DPP6: variants seen among roughly 807,000 people sequenced by gnomAD.
DPP6 encodes the protein A-type potassium channel modulatory protein DPP6.
In DPP6, 69 loss-of-function variants were observed where a neutral mutation model predicts 122.6. The ratio of observed to expected loss-of-function variants is 0.56; its 90% CI spans 0.46 to 0.69. The LOEUF is 0.69. Among genes scored for constraint, DPP6 ranks in the 30% least tolerant of loss-of-function variants. The probability of loss-of-function intolerance (pLI) is 0.00; values close to 1 mark genes in which losing one functional copy is unlikely to be tolerated. For synonymous variants in DPP6, 418 were observed against 433.1 expected (o/e 0.97, Z 0.43); for missense variants, 928 against 1,116.9 (o/e 0.83, Z 2.41).
At chr7:154,093,149 A>G (rs1480231061) in intron 1 of DPP6, among the ~76,000 whole-genome samples, 2 of 139,392 alleles carry the variant, frequency 1.4e-5, no homozygotes, top group African/African-American at 5.2e-5. Context: ...ATATGACATC[A>G]TACATCATAC....
chr7:154,252,096 C>T (rs1038300708), intron 1 of DPP6, among the ~76,000 whole-genome samples: 1 of 152,210 alleles, frequency 6.6e-6, no homozygotes, highest in East Asian at 1.9e-4. Context: ...TAGAGAGACT[C>T]ATTCTTGCAT....
the DPP6 span, among the ~76,000 whole-genome samples, chr7:153,799,259 C>A: frequency 6.6e-6 from 1 of 152,190 alleles, no homozygotes; most frequent in Admixed American, 6.5e-5. Flanking sequence ...TCCATGGTAT[C>A]TTTCAGACTC....
the DPP6 span, among the ~76,000 whole-genome samples, chr7:153,820,340 A>G: frequency 6.6e-6 from 1 of 152,264 alleles, no homozygotes. Flanking sequence ...TAGCAAATAA[A>G]CCCTGTAATC....
At chr7:154,799,100 T>C (rs1398316895) in intron 12 of DPP6, among the ~76,000 whole-genome samples, 2 of 152,130 alleles carry the variant, frequency 1.3e-5, no homozygotes, top group African/African-American at 4.8e-5. Context: ...CCTGCAGACC[T>C]CAGGGAGACC....
At chr7:154,807,568 C>A (rs1397978237) in intron 16 of DPP6, among the ~76,000 whole-genome samples, 1 of 152,170 alleles carries the variant, frequency 6.6e-6, no homozygotes, top group Non-Finnish European at 1.5e-5. Context: ...CGCTTGTAAT[C>A]CCAGCGCTTT....
rs1563336786 is a variant in DPP6 at position 154,892,766 on chromosome 7, G to A, written c.*286G>A. On this transcript the variant is annotated 3_prime_UTR_variant, in exon 26 of 26. Coordinates refer to ENST00000377770, the MANE Select transcript of DPP6 (RefSeq NM_130797.4). Reference sequence around the variant, plus strand: ...GCCACGGCCCCTCCCCCAAGGAACAGAGCAAAGGATGGTGGCCGCAGGCCC... The same window carrying A: ...GCCACGGCCCCTCCCCCAAGGAACAAAGCAAAGGATGGTGGCCGCAGGCCC... 1.5e-6 allele frequency: 1 copy of A among 649,498 alleles called. No individual in the cohort carries two copies. The highest frequency in any genetic ancestry group is 2.8e-6 in the Non-Finnish European group (1 of 351,122). 40.2% of individuals were successfully genotyped at this position (649,498 alleles called of 1,614,324 possible).
At chr7:154,720,744 A>G (rs983970875) in intron 7 of DPP6, among the ~76,000 whole-genome samples, 1 of 152,254 alleles carries the variant, frequency 6.6e-6, no homozygotes, top group African/African-American at 2.4e-5. Context: ...CACAGGGCAA[A>G]GGCCATCCTG....
chr7:153,979,436 G>T (rs942690131), intron 1 of DPP6, among the ~76,000 whole-genome samples: 1 of 152,222 alleles, frequency 6.6e-6, no homozygotes, highest in African/African-American at 2.4e-5. Flanking sequence ...TCAGCTTAAG[G>T]AGTTTTTGGG....
intron 1 of DPP6, among the ~76,000 whole-genome samples, chr7:154,188,174 G>A (rs1463579626): frequency 6.6e-6 from 1 of 152,102 alleles, no homozygotes; most frequent in Non-Finnish European, 1.5e-5. Context: ...ACCCCACAGT[G>A]ACTTCCCAAG....
intron 3 of DPP6, chr7:154,475,374 C>A (rs1459282649): frequency 8.8e-6 from 3 of 341,018 alleles, no homozygotes; most frequent in Non-Finnish European, 1.7e-5. Context: ...AGGAACAGTG[C>A]AGGGCACGGT....
chr7:154,248,059 G>T (rs1802104866), intron 1 of DPP6, among the ~76,000 whole-genome samples: 10 of 152,164 alleles, frequency 6.6e-5, no homozygotes, highest in Admixed American at 6.5e-4. Context: ...CCTCTACCAG[G>T]TTGTAGGCTG....
At position 154,452,112 on chromosome 7, in the gene DPP6, C is replaced by G. The variant is rs1820432290; in HGVS notation, c.358+5784C>G. On this transcript the variant is annotated intron_variant, in intron 2 of 25. Coordinates refer to ENST00000377770, the MANE Select transcript of DPP6 (RefSeq NM_130797.4). The stretch of plus-strand genomic sequence containing the variant: ...GACAGAGAATGCCTGCCAACAGAGC[C>G]AGCATGAATGATCCCGGCTAGGAGC... Among the ~76,000 whole-genome samples, 3 of 152,340 alleles carry G rather than the reference C, an allele frequency of 2.0e-5. No individual in the cohort carries two copies. The South Asian group carries it at 6.2e-4, about 32-fold the overall frequency.
chr7:154,157,462 T>C (rs1330653875), intron 1 of DPP6, among the ~76,000 whole-genome samples: 1 of 152,216 alleles, frequency 6.6e-6, no homozygotes, highest in Non-Finnish European at 1.5e-5. Context: ...TTCAAAGTAA[T>C]GTATGCACAA....
At chr7:154,490,881 G>A (rs1044783760) in intron 3 of DPP6, among the ~76,000 whole-genome samples, 1 of 152,188 alleles carries the variant, frequency 6.6e-6, no homozygotes, top group African/African-American at 2.4e-5. Flanking sequence ...CAGGAATGAA[G>A]CTTTATAAGT....
intron 6 of DPP6, among the ~76,000 whole-genome samples, chr7:154,658,214 A>G (rs561791119): frequency 2.6e-5 from 4 of 152,360 alleles, no homozygotes; most frequent in African/African-American, 4.8e-5. Flanking sequence ...TGGTTTATCA[A>G]TTATACCACA....
intron 1 of DPP6, among the ~76,000 whole-genome samples, chr7:154,189,882 T>C (rs1159321471): frequency 6.6e-6 from 1 of 152,206 alleles, no homozygotes; most frequent in African/African-American, 2.4e-5. Flanking sequence ...ATGATTCAAA[T>C]AACCAACAAC....
intron 7 of DPP6, among the ~76,000 whole-genome samples, chr7:154,727,021 T>C (rs575348894): frequency 4.1e-4 from 63 of 152,316 alleles, no homozygotes; most frequent in Non-Finnish European, 7.5e-4. Flanking sequence ...CTTCAACCTG[T>C]TCCAACCTCT....
At position 154,174,796 on chromosome 7, in the gene DPP6, T is replaced by C. The variant is rs548474729; in HGVS notation, c.243+121733T>C. 1.4e-4 allele frequency among the ~76,000 whole-genome samples: 21 copies of C among 152,090 alleles called. No individual in the cohort carries two copies. The East Asian group carries it at 1.5e-3, about 11-fold the overall frequency. ...CAGTTCTGTCTTCCTTGTCCCCTCT[T>C]CCCCTGCCTCTCTCCTCTCTTCTCT... is the stretch of plus-strand genomic sequence containing the variant. On this transcript the variant is annotated intron_variant, in intron 1 of 25. Transcript: ENST00000377770.
intron 1 of DPP6, among the ~76,000 whole-genome samples, chr7:154,439,797 C>T (rs943624325): frequency 2.4e-4 from 36 of 152,220 alleles, no homozygotes; most frequent in Non-Finnish European, 1.6e-4. Flanking sequence ...GGTAGGATTT[C>T]AAACTGCTGT....
Sources: allele counts gnomAD v4.1 joint callset (sites outside exome capture counted in the v4.1 genomes callset), GRCh38; gene constraint gnomAD v4.1.1; transcripts MANE v1.5; gene names NCBI Gene and HGNC (gene_info 2026-07-23, HGNC 2026-07-21).